Variants in MYCBP2 observed in about 807,000 individuals in gnomAD.
MYCBP2 encodes E3 ubiquitin-protein ligase MYCBP2.
Under a neutral mutation model 525.3 loss-of-function variants are expected in MYCBP2, and 120 were observed. That is an observed-to-expected ratio of 0.23 (90% CI 0.20 to 0.27). The LOEUF (loss-of-function observed/expected upper bound fraction) is 0.27, where lower values mean the gene tolerates loss of function less well. Among genes scored for constraint, MYCBP2 ranks in the 10% least tolerant of loss-of-function variants. The pLI is 1.00. For missense variants in MYCBP2, 4,149 were observed against 5,657.1 expected (o/e 0.73, Z 8.55); for synonymous variants, 1,894 against 1,955.8 (o/e 0.97, Z 0.83).
At chr13:77,123,633 G>A (rs541263658) in intron 54 of MYCBP2, among the ~76,000 whole-genome samples, 3 of 152,282 alleles carry the variant, frequency 2.0e-5, no homozygotes, top group Admixed American at 1.3e-4. Flanking sequence ...AGGTTAACTT[G>A]GTCAAGGTCA....
chr13:77,102,809 A>C (rs2047271760), intron 55 of MYCBP2, among the ~76,000 whole-genome samples: 1 of 151,886 alleles, frequency 6.6e-6, no homozygotes, highest in African/African-American at 2.4e-5. Context: ...AATGATTTTT[A>C]TATTATATAA....
Position 77,326,764 on chromosome 13 carries a change from G to A in MYCBP2, c.12C>T (p.Cys4=). The A allele has an allele frequency of 1.4e-6, 2 of 1,417,010 alleles. No individual in the cohort carries two copies. Among genetic ancestry groups the A allele is most frequent in the Non-Finnish European group, 1.8e-6 (2 of 1,099,894 alleles). The allele number at this position is 1,417,010 out of a possible 1,614,324, so 87.8% of individuals were successfully genotyped here. The change falls in exon 1 of 83, where the codon TGC becomes TGT. Residue 4 remains cysteine, a synonymous_variant. Coordinates refer to ENST00000544440, the MANE Select transcript of MYCBP2 (RefSeq NM_015057.5). This position sits in a 1 kb window ranked among gnomAD's most constrained non-coding sequence, Gnocchi z 4.2. MMM[C]AATASPAAAS... is the part of the protein sequence containing the mutation. ...CGGCGGCGGGGGAGGCAGTCGCTGC[G>A]CACATCATCATCCTCGCCGCCGCCG... is the stretch of plus-strand genomic sequence containing the variant.
intron 76 of MYCBP2, among the ~76,000 whole-genome samples, chr13:77,060,513 T>C (rs1003804001): frequency 1.3e-5 from 2 of 152,226 alleles, no homozygotes; most frequent in African/African-American, 4.8e-5. Context: ...GCAGATGTGC[T>C]GAAAACTGAG....
At chr13:77,273,723 C>A (rs899433878) in intron 4 of MYCBP2, 55 bp from the exon 5 acceptor site, 20 of 1,233,746 alleles carry the variant, frequency 1.6e-5, no homozygotes, top group African/African-American at 9.2e-5. Context: ...ACATTATATG[C>A]GTATATTTAT....
chr13:77,270,143 C>T, intron 6 of MYCBP2, 80 bp from the exon 7 acceptor site: 3 of 1,430,166 alleles, frequency 2.1e-6, no homozygotes, highest in South Asian at 2.6e-5. Context: ...GGGTGAATGA[C>T]ATTTAATGCA....
At chr13:77,141,536 C>T (rs914241459) in intron 49 of MYCBP2, among the ~76,000 whole-genome samples, 5 of 152,088 alleles carry the variant, frequency 3.3e-5, no homozygotes, top group East Asian at 3.9e-4. Flanking sequence ...TTTGGGAGGC[C>T]GGGGCAGGCG....
At chr13:77,150,221 G>A (rs1009543915) in intron 47 of MYCBP2, among the ~76,000 whole-genome samples, 1 of 152,088 alleles carries the variant, frequency 6.6e-6, no homozygotes, top group Admixed American at 6.5e-5. Context: ...AATTGAAGGG[G>A]GCATAGGTAA....
chr13:77,274,690 T>C (rs1205811586), intron 4 of MYCBP2, among the ~76,000 whole-genome samples: 1 of 152,184 alleles, frequency 6.6e-6, no homozygotes, highest in Non-Finnish European at 1.5e-5. Flanking sequence ...CCCTATCTCA[T>C]CATCATCTTT....
intron 1 of MYCBP2, among the ~76,000 whole-genome samples, chr13:77,297,443 A>G (rs1389228285): frequency 6.6e-6 from 1 of 152,180 alleles, no homozygotes; most frequent in Admixed American, 6.5e-5. Context: ...CTGCTGTAAT[A>G]AAGAAAAAAG....
intron 1 of MYCBP2, among the ~76,000 whole-genome samples, chr13:77,306,509 A>C (rs2079437536): frequency 6.6e-6 from 1 of 152,166 alleles, no homozygotes; most frequent in African/African-American, 2.4e-5. Context: ...AAATAAAGCT[A>C]CCTTGGCAAT....
At chr13:77,198,976 C>T (rs924310150) in intron 26 of MYCBP2, among the ~76,000 whole-genome samples, 1 of 152,170 alleles carries the variant, frequency 6.6e-6, no homozygotes, top group Admixed American at 6.5e-5. Flanking sequence ...TTCTTCCCTT[C>T]TTACAGAATT....
chr13:77,166,599 C>A lies in MYCBP2; in HGVS notation c.6115-45G>T, dbSNP rs191703068. On this transcript the variant is annotated intron_variant, in intron 40 of 82. Coordinates refer to ENST00000544440, the MANE Select transcript of MYCBP2 (RefSeq NM_015057.5). The stretch of plus-strand genomic sequence containing the variant: ...TGACATGAATACAGATATATATATA[C>A]ACAAACATACACATCTGCATCTGTA... The A allele has an allele frequency of 2.4e-6, 3 of 1,259,312 alleles. No homozygotes were observed. In the East Asian group the frequency reaches 7.0e-5, roughly 29 times the overall value. 78.0% of individuals were successfully genotyped at this position (1,259,312 alleles called of 1,614,324 possible).
At chr13:77,096,255 A>G (rs759293579) in intron 57 of MYCBP2, 57 bp downstream of exon 57, 237 of 1,491,518 alleles carry the variant, frequency 1.6e-4, no homozygotes, top group Middle Eastern at 1.1e-3. Context: ...ATAACAAGGT[A>G]TTTTTATACA....
chr13:77,266,065 G>A (rs548677500), intron 8 of MYCBP2, among the ~76,000 whole-genome samples: 4 of 152,236 alleles, frequency 2.6e-5, no homozygotes, highest in Admixed American at 1.3e-4. Flanking sequence ...AGACATTAAC[G>A]AGTAATTTTT....
In MYCBP2 at chr13:77,267,878, A is replaced by T; in HGVS notation, c.1320T>A (p.Pro440=). 8 of 1,613,896 alleles carry T rather than the reference A, an allele frequency of 5.0e-6. No individual in the cohort carries two copies. Among genetic ancestry groups the T allele is most frequent in the Non-Finnish European group, 6.8e-6 (8 of 1,179,882 alleles). ...NHSMTAIRIS[P]ETLEQDGTVM... ...CAGTACCATCTTGCTCCAGTGTTTC[A>T]GGGCTTATCCTTATGGCTGTCATGC... The change falls in exon 8 of 83, where the codon CCT becomes CCA. Residue 440 remains proline (P), a synonymous_variant. Transcript: ENST00000544440.
intron 49 of MYCBP2, among the ~76,000 whole-genome samples, chr13:77,142,441 C>G (rs1014443160): frequency 1.3e-5 from 2 of 152,122 alleles, no homozygotes; most frequent in Non-Finnish European, 2.9e-5. Flanking sequence ...ATATCTGAGT[C>G]TATATAGTTA....
In MYCBP2 at chr13:77,078,831, A is replaced by G; in HGVS notation, c.11477T>C (p.Ile3826Thr). 6.2e-7 allele frequency: 1 copy of G among 1,613,594 alleles called. No individual in the cohort carries two copies. Among genetic ancestry groups the G allele is most frequent in the Non-Finnish European group, 8.5e-7 (1 of 1,179,634 alleles). ...TGKAVEDLCRIKQVDLDSRHI... is the reference protein window; with the variant it reads ...TGKAVEDLCRTKQVDLDSRHI... ...TGACAAAATTTCAATTACCTGCTTTATTCTGCACAAATCTTCTACTGCTTT... is the reference window on the plus strand; with the variant it reads ...TGACAAAATTTCAATTACCTGCTTTGTTCTGCACAAATCTTCTACTGCTTT... Residue 3826 changes from isoleucine to threonine, a missense_variant, in exon 66 of 83, where the codon ATA becomes ACA. Transcript: ENST00000544440.
intron 18 of MYCBP2, among the ~76,000 whole-genome samples, chr13:77,229,230 C>T (rs936009810): frequency 2.0e-5 from 3 of 152,078 alleles, no homozygotes; most frequent in African/African-American, 7.2e-5. Flanking sequence ...TCATCAGGTT[C>T]CTATGAGAAT....
At chr13:77,217,385 C>T (rs2064973513) in intron 21 of MYCBP2, among the ~76,000 whole-genome samples, 1 of 151,918 alleles carries the variant, frequency 6.6e-6, no homozygotes, top group African/African-American at 2.4e-5. Context: ...ATGTAACAGA[C>T]AGGCGGATAG....
Sources: gnomAD v4.1 joint callset for allele counts (sites outside exome capture counted in the v4.1 genomes callset) on GRCh38, gnomAD v4.1.1 for gene constraint, Gnocchi (gnomAD v3.1) non-coding constraint, MANE v1.5 for transcripts, NCBI Gene and HGNC (gene_info 2026-07-23, HGNC 2026-07-21) for gene names.